Variants in EVI5 observed in about 807,000 individuals in gnomAD.
The protein encoded by EVI5 is ecotropic viral integration site 5 protein homolog.
EVI5 carries 73 observed loss-of-function variants against 112.0 expected under a neutral mutation model. The ratio of observed to expected loss-of-function variants is 0.65; its 90% confidence interval spans 0.54 to 0.79. The LOEUF (loss-of-function observed/expected upper bound fraction) is 0.79, where lower values mean the gene tolerates loss of function less well. Ranked by LOEUF, EVI5 falls within the 30% of genes least tolerant of loss-of-function variation. EVI5 has a pLI of 0.00. For synonymous variants in EVI5, 305 were observed against 319.9 expected (o/e 0.95, Z 0.50); for missense variants, 900 against 968.8 (o/e 0.93, Z 0.94).
intron 2 of EVI5, 119 bp from the exon 3 acceptor site, chr1:92,704,863 T>A (rs892936916): frequency 4.8e-6 from 2 of 413,284 alleles, no homozygotes; most frequent in African/African-American, 4.1e-5. Flanking sequence ...ATAGTTTTAA[T>A]AATATACATA....
At chr1:92,772,016 A>G (rs1421611446) in intron 1 of EVI5, among the ~76,000 whole-genome samples, 1 of 151,658 alleles carries the variant, frequency 6.6e-6, no homozygotes, top group East Asian at 2.0e-4. Flanking sequence ...CACCACGCCC[A>G]GCTAATTTTT....
intron 10 of EVI5, among the ~76,000 whole-genome samples, chr1:92,667,145 C>T (rs1190302984): frequency 2.0e-5 from 3 of 152,048 alleles, no homozygotes; most frequent in Non-Finnish European, 4.4e-5. Context: ...ATTAGCTGGG[C>T]GTAGTGGCAT....
At chr1:92,557,394 G>T (rs867969110) in intron 19 of EVI5, among the ~76,000 whole-genome samples, 3 of 151,346 alleles carry the variant, frequency 2.0e-5, no homozygotes, top group African/African-American at 7.3e-5. Context: ...AGCCATTCTC[G>T]TGCTTCAGCT....
At chr1:92,606,064 T>A (rs1035072056) in intron 17 of EVI5, among the ~76,000 whole-genome samples, 1 of 152,160 alleles carries the variant, frequency 6.6e-6, no homozygotes, top group Non-Finnish European at 1.5e-5. Flanking sequence ...ATTGAATAAA[T>A]TAACACACAG....
At chr1:92,587,206 TA>T in intron 18 of EVI5, among the ~76,000 whole-genome samples, 1 of 152,250 alleles carries the variant, frequency 6.6e-6, no homozygotes, top group South Asian at 2.1e-4. Flanking sequence ...GCAAGCTAGG[TA>T]AAGCAGTCTA....
intron 19 of EVI5, among the ~76,000 whole-genome samples, chr1:92,553,133 T>C (rs957912025): frequency 6.6e-6 from 1 of 151,902 alleles, no homozygotes; most frequent in South Asian, 2.1e-4. Context: ...GGATTATTTA[T>C]TTATTTATTT....
At chr1:92,607,305 C>T (rs758052727) in intron 17 of EVI5, 13 of 273,518 alleles carry the variant, frequency 4.8e-5, no homozygotes, top group Non-Finnish European at 8.0e-5. Context: ...GGTTACCAGT[C>T]AAAAGAAAAA....
At chr1:92,739,491 T>C (rs1443579809) in intron 1 of EVI5, among the ~76,000 whole-genome samples, 2 of 152,006 alleles carry the variant, frequency 1.3e-5, no homozygotes, top group Non-Finnish European at 2.9e-5. Flanking sequence ...TATGGGGTGA[T>C]GAAAATAATC....
At chr1:92,580,052 T>C (rs1046047831) in intron 18 of EVI5, among the ~76,000 whole-genome samples, 1 of 152,234 alleles carries the variant, frequency 6.6e-6, no homozygotes, top group Non-Finnish European at 1.5e-5. Context: ...TGACAATGTA[T>C]TTTTGTTGGA....
intron 2 of EVI5, among the ~76,000 whole-genome samples, chr1:92,717,359 T>C (rs1051045434): frequency 6.6e-6 from 1 of 152,202 alleles, no homozygotes; most frequent in South Asian, 2.1e-4. Context: ...GCAGAAACTC[T>C]ACAAGCCAGA....
chr1:92,545,927 C>A (rs1665612441), intron 19 of EVI5, among the ~76,000 whole-genome samples: 2 of 151,862 alleles, frequency 1.3e-5, no homozygotes, highest in African/African-American at 4.8e-5. Context: ...CTTTTCCTGG[C>A]AATCTTCTAC....
rs566096018 is a variant in EVI5, at chr1:92,660,764, A to C, written c.1392+1955T>G. ...TTCTATTTATTTGAAATTCTAGAAG[A>C]GGTAAAACTATAGTGAAAGAAAGCA... On this transcript the variant is annotated intron_variant, in intron 13 of 19. Transcript: ENST00000684568. Among the ~76,000 whole-genome samples the C allele has an allele frequency of 5.3e-5, 8 of 152,126 alleles. No individual in the cohort carries two copies. The East Asian group carries it at 1.5e-3, about 29-fold the overall frequency.
At chr1:92,581,690 G>GT (rs1671948682) in intron 18 of EVI5, among the ~76,000 whole-genome samples, 1 of 24,746 alleles carries the variant, frequency 4.0e-5, no homozygotes, top group South Asian at 3.0e-3. Context: ...GCAAGTTTTT[G>GT]CTTAAAAAAA....
intron 13 of EVI5, among the ~76,000 whole-genome samples, chr1:92,651,589 C>T (rs372805970): frequency 2.0e-5 from 3 of 152,076 alleles, no homozygotes; most frequent in Admixed American, 2.0e-4. Context: ...CAGTGGCTCA[C>T]GCCTGTAATC....
chr1:92,683,361 C>T (rs186808217), intron 9 of EVI5, among the ~76,000 whole-genome samples: 20 of 152,158 alleles, frequency 1.3e-4, no homozygotes, highest in East Asian at 3.9e-4. Context: ...AGAAAGAAAT[C>T]GCATCATCAA....
At chr1:92,555,747 G>A (rs1198547196) in intron 19 of EVI5, among the ~76,000 whole-genome samples, 1 of 151,662 alleles carries the variant, frequency 6.6e-6, no homozygotes, top group Non-Finnish European at 1.5e-5. Context: ...CTACTTAGGA[G>A]GCTGAGGCAG....
chr1:92,671,115 T>C (rs753327189), intron 10 of EVI5, among the ~76,000 whole-genome samples: 9 of 152,186 alleles, frequency 5.9e-5, no homozygotes, highest in Non-Finnish European at 1.0e-4. Flanking sequence ...ATCCTTATAG[T>C]AAATTCCTTG....
chr1:92,626,108 T>C (rs1209764930), intron 14 of EVI5, among the ~76,000 whole-genome samples, 174 bp from the exon 15 acceptor site: 3 of 152,210 alleles, frequency 2.0e-5, no homozygotes, highest in Non-Finnish European at 4.4e-5. Context: ...GCCAGTGGTT[T>C]TTAGAGTATT....
intron 11 of EVI5, 146 bp downstream of exon 11, chr1:92,665,793 G>A (rs1664782917): frequency 1.9e-6 from 1 of 514,834 alleles, no homozygotes; most frequent in Non-Finnish European, 3.4e-6. Context: ...AAGTTATCTG[G>A]CTAAATAAAT....
Sources: allele counts gnomAD v4.1 joint callset (sites outside exome capture counted in the v4.1 genomes callset), GRCh38; gene constraint gnomAD v4.1.1; transcripts MANE v1.5; gene names NCBI Gene and HGNC (gene_info 2026-07-23, HGNC 2026-07-21).